NIPAL2: variants seen among roughly 807,000 people sequenced by gnomAD.
NIPAL2 encodes NIPA like domain containing 2, also known as NIPA-like protein 2.
NIPAL2 carries 43 observed loss-of-function variants against 48.9 expected under a neutral mutation model. The observed-to-expected ratio is 0.88, with a 90% CI of 0.69 to 1.13. The LOEUF (loss-of-function observed/expected upper bound fraction) is 1.13, where lower values mean the gene tolerates loss of function less well. NIPAL2 is among the 50% of genes most tolerant of loss of function. The probability of loss-of-function intolerance (pLI) is 0.00; values close to 1 mark genes in which losing one functional copy is unlikely to be tolerated. For missense variants in NIPAL2, 446 were observed against 461.4 expected (o/e 0.97, Z 0.31); for synonymous variants, 167 against 174.6 (o/e 0.96, Z 0.34).
Position 98,230,670 on chromosome 8 carries a change from G to A in NIPAL2, c.436+5485C>T, listed in dbSNP as rs531102837. On this transcript the variant is annotated intron_variant, in intron 4 of 10. Transcript: ENST00000430223. ...ATGCCTTTGTTTCAGGAGGCTACTA[G>A]TGTTCTGTTGCAAAAGTCTTCTATA... is the stretch of plus-strand genomic sequence containing the variant. Among the ~76,000 whole-genome samples, 5 of 152,316 alleles carry A rather than the reference G, an allele frequency of 3.3e-5. No homozygotes were observed. The East Asian group carries it at 7.7e-4, about 23-fold the overall frequency.
chr8:98,206,512 C>T (rs1055210759), intron 6 of NIPAL2, among the ~76,000 whole-genome samples: 16 of 151,860 alleles, frequency 1.1e-4, no homozygotes, highest in East Asian at 7.7e-4. Flanking sequence ...ATTGGCCGGG[C>T]GCGGTGGCTC....
Position 98,258,539 on chromosome 8 carries a change from C to T in NIPAL2, c.136-4452G>A, listed in dbSNP as rs117442837. On this transcript the variant is annotated intron_variant, in intron 1 of 10. Transcript: ENST00000430223. ...AATATGGCCTGAGAAGGACTCCGTA[C>T]TTCTACATTTGAGTCCTTGTGGATG... Among the ~76,000 whole-genome samples the T allele has an allele frequency of 1.7e-3, 257 of 152,262 alleles. 4 individuals carry two copies. In the East Asian group the frequency reaches 0.038, roughly 23 times the overall value.
chr8:98,288,114 T>C (rs1381774011), intron 1 of NIPAL2, among the ~76,000 whole-genome samples: 2 of 152,014 alleles, frequency 1.3e-5, no homozygotes, highest in South Asian at 2.1e-4. Context: ...TATGTATACA[T>C]GTGCCATGCT....
intron 1 of NIPAL2, among the ~76,000 whole-genome samples, chr8:98,277,290 A>G (rs915256262): frequency 1.3e-5 from 2 of 151,666 alleles, no homozygotes; most frequent in Non-Finnish European, 2.9e-5. Flanking sequence ...GGACTTTGGG[A>G]GGCTGTGGTG....
At chr8:98,255,530 T>C (rs1390903079) in intron 1 of NIPAL2, among the ~76,000 whole-genome samples, 5 of 152,332 alleles carry the variant, frequency 3.3e-5, no homozygotes, top group South Asian at 4.1e-4. Flanking sequence ...TAGCATGAAA[T>C]TTAGTATTTA....
chr8:98,227,849 C>T (rs1156438117), intron 4 of NIPAL2, among the ~76,000 whole-genome samples: 1 of 152,132 alleles, frequency 6.6e-6, no homozygotes, highest in Non-Finnish European at 1.5e-5. Flanking sequence ...GTTCTTGTGG[C>T]CTAGAGAGCC....
chr8:98,201,689 C>A (rs1412573805), intron 8 of NIPAL2, among the ~76,000 whole-genome samples: 1 of 152,052 alleles, frequency 6.6e-6, no homozygotes, highest in African/African-American at 2.4e-5. Flanking sequence ...CTCTTTTTGG[C>A]CTATTTTCCT....
intron 1 of NIPAL2, among the ~76,000 whole-genome samples, chr8:98,260,274 T>A (rs981276475): frequency 6.6e-6 from 1 of 152,084 alleles, no homozygotes; most frequent in East Asian, 1.9e-4. Context: ...ATGAAAACAA[T>A]ACCAAGATGG....
chr8:98,263,095 A>C (rs971597584), intron 1 of NIPAL2, among the ~76,000 whole-genome samples: 72 of 148,914 alleles, frequency 4.8e-4, no homozygotes, highest in African/African-American at 1.8e-3. Flanking sequence ...ACAAAGACAC[A>C]ACATACCAGA....
chr8:98,251,652 T>C (rs945677078), intron 3 of NIPAL2: 2 of 152,258 alleles, frequency 1.3e-5, no homozygotes, highest in Non-Finnish European at 2.9e-5. Flanking sequence ...GTTTAAATGA[T>C]GTTTTCTTTA....
Position 98,294,158 on chromosome 8 carries a change from C to A in NIPAL2, c.-21G>T, listed in dbSNP as rs1816649795. 4 of 1,351,776 alleles carry A rather than the reference C, an allele frequency of 3.0e-6. No individual in the cohort carries two copies. The highest frequency in any genetic ancestry group is 3.7e-5 in the South Asian group (2 of 53,928). 83.7% of individuals were successfully genotyped at this position (1,351,776 alleles called of 1,614,324 possible). On this transcript the variant is annotated 5_prime_UTR_variant, in exon 1 of 11. Transcript: ENST00000430223. ...GCCATGAGGTCTCGCTCCCGGCGCT[C>A]GGGCTCCGGCTCGGGCTGCGGCCGC... is the stretch of plus-strand genomic sequence containing the variant.
chr8:98,203,846 C>CTGTGTGTGTGTGTGTGTGTGTG (rs143170810), intron 7 of NIPAL2, among the ~76,000 whole-genome samples: 62 of 146,820 alleles, frequency 4.2e-4, no homozygotes, highest in Admixed American at 1.3e-3. Context: ...TGGGTAGAGC[C>CTGTGTGTGTGTGTGTGTGTGTG]TGTGTGTGTG....
chr8:98,253,514 G>A (rs1206683955), intron 2 of NIPAL2, among the ~76,000 whole-genome samples: 1 of 152,074 alleles, frequency 6.6e-6, no homozygotes, highest in African/African-American at 2.4e-5. Context: ...ATTTATTCAT[G>A]TTTCTAATTC....
At chr8:98,281,222 A>G (rs904133750) in intron 1 of NIPAL2, among the ~76,000 whole-genome samples, 3 of 152,166 alleles carry the variant, frequency 2.0e-5, no homozygotes, top group African/African-American at 7.2e-5. Context: ...CCATTCAGTC[A>G]TGCATCCATT....
intron 3 of NIPAL2, among the ~76,000 whole-genome samples, chr8:98,248,821 C>T (rs1454526576): frequency 6.6e-6 from 1 of 152,142 alleles, no homozygotes; most frequent in Non-Finnish European, 1.5e-5. Flanking sequence ...AGAAAGACTT[C>T]CAGTGAGAAA....
intron 1 of NIPAL2, among the ~76,000 whole-genome samples, chr8:98,293,328 C>G (rs1297717289): frequency 6.6e-6 from 1 of 152,144 alleles, no homozygotes; most frequent in Non-Finnish European, 1.5e-5. Context: ...CATCTTAAAC[C>G]AAGCCAAAAA....
chr8:98,286,372 A>G (rs1816158215), intron 1 of NIPAL2, among the ~76,000 whole-genome samples: 1 of 152,218 alleles, frequency 6.6e-6, no homozygotes, highest in Non-Finnish European at 1.5e-5. Flanking sequence ...TGACCTGCCA[A>G]GCTCAGGGTG....
At chr8:98,254,655 T>C (rs900501171) in intron 1 of NIPAL2, among the ~76,000 whole-genome samples, 4 of 152,242 alleles carry the variant, frequency 2.6e-5, no homozygotes, top group Non-Finnish European at 5.9e-5. Context: ...ACTACTCCCC[T>C]GGTCAAAAAC....
At chr8:98,194,004 G>A (rs889423336) in intron 10 of NIPAL2, among the ~76,000 whole-genome samples, 2 of 152,136 alleles carry the variant, frequency 1.3e-5, no homozygotes, top group African/African-American at 4.8e-5. Flanking sequence ...GGCTTCCCTA[G>A]TTTTTGCTTC....
Sources: allele counts gnomAD v4.1 joint callset (sites outside exome capture counted in the v4.1 genomes callset), GRCh38; gene constraint gnomAD v4.1.1; transcripts MANE v1.5; gene names NCBI Gene and HGNC (gene_info 2026-07-23, HGNC 2026-07-21).